SOX6: variants seen among roughly 807,000 people sequenced by gnomAD.
SOX6 encodes the protein SRY-box transcription factor 6, also known as transcription factor SOX-6.
SOX6 carries 11 observed loss-of-function variants against 97.8 expected under a neutral mutation model. The ratio of observed to expected loss-of-function variants is 0.11; its 90% CI spans 0.07 to 0.19. SOX6 has a LOEUF of 0.19. Among genes scored for constraint, SOX6 ranks in the 10% least tolerant of loss-of-function variants. The pLI is 1.00. For missense variants in SOX6, 810 were observed against 1,039.5 expected, an observed-to-expected ratio of 0.78 and a Z score of 3.04; for synonymous variants, 360 against 371.4, an observed-to-expected ratio of 0.97 and a Z score of 0.35.
chr11:16,131,632 G>A (rs1849741622), intron 6 of SOX6, among the ~76,000 whole-genome samples: 1 of 147,940 alleles, frequency 6.8e-6, no homozygotes, highest in African/African-American at 2.5e-5. Flanking sequence ...GCATAGACTT[G>A]CAATAGTACT....
chr11:16,115,476 C>T (rs1849325887), intron 6 of SOX6, among the ~76,000 whole-genome samples: 1 of 152,152 alleles, frequency 6.6e-6, no homozygotes, highest in Admixed American at 6.5e-5. Context: ...CGTCAAGAGT[C>T]TTTGAATCAG....
chr11:16,163,867 G>A (rs753003367), intron 6 of SOX6, among the ~76,000 whole-genome samples: 1 of 152,190 alleles, frequency 6.6e-6, no homozygotes, highest in Non-Finnish European at 1.5e-5. Flanking sequence ...GCATTGACAG[G>A]TATATTTGTA....
chr11:16,720,612 G>A (rs1564877018), intron 2 of SOX6, among the ~76,000 whole-genome samples: 1 of 142,884 alleles, frequency 7.0e-6, no homozygotes, highest in Admixed American at 7.1e-5. Context: ...GTTAATGGGT[G>A]CAGCACACCA....
At chr11:16,466,369 T>C (rs558365100) in intron 1 of SOX6, among the ~76,000 whole-genome samples, 42 of 152,314 alleles carry the variant, frequency 2.8e-4, no homozygotes, top group African/African-American at 8.9e-4. Flanking sequence ...AATATTTCTA[T>C]CTAAAAACCT....
intron 3 of SOX6, among the ~76,000 whole-genome samples, chr11:16,683,038 G>A (rs1371550771): frequency 6.6e-6 from 1 of 152,160 alleles, no homozygotes; most frequent in Non-Finnish European, 1.5e-5. Context: ...GGATGTGAAG[G>A]ACCTCTTCAA....
At chr11:16,103,595 G>A (rs2133983812) in intron 7 of SOX6, among the ~76,000 whole-genome samples, 1 of 151,962 alleles carries the variant, frequency 6.6e-6, no homozygotes, top group East Asian at 1.9e-4. Context: ...ACAATTTGCA[G>A]TTGCAAAAAT....
chr11:16,294,992 G>C (rs1004499853), intron 3 of SOX6, among the ~76,000 whole-genome samples: 1 of 151,940 alleles, frequency 6.6e-6, no homozygotes, highest in Non-Finnish European at 1.5e-5. Flanking sequence ...CTAACTGTCA[G>C]ATTTAAAATC....
chr11:16,145,988 T>C (rs1331672726), intron 6 of SOX6, among the ~76,000 whole-genome samples: 2 of 152,254 alleles, frequency 1.3e-5, no homozygotes, highest in African/African-American at 2.4e-5. Flanking sequence ...CTTCACAGAA[T>C]TGGAAAAAAC....
intron 3 of SOX6, among the ~76,000 whole-genome samples, chr11:16,623,512 G>A (rs1456710320): frequency 6.6e-6 from 1 of 152,126 alleles, no homozygotes; most frequent in African/African-American, 2.4e-5. Context: ...TCAGTGGGTT[G>A]TCTGTTTACC....
At chr11:16,367,223 G>T (rs1857381904) in intron 1 of SOX6, among the ~76,000 whole-genome samples, 1 of 152,134 alleles carries the variant, frequency 6.6e-6, no homozygotes, top group Non-Finnish European at 1.5e-5. Context: ...GAAGTTCCTT[G>T]TTTTGAAGTA....
intron 3 of SOX6, among the ~76,000 whole-genome samples, chr11:16,654,130 T>C (rs1424927845): frequency 2.6e-5 from 4 of 152,190 alleles, no homozygotes; most frequent in Non-Finnish European, 5.9e-5. Flanking sequence ...GATTTTGAGT[T>C]TGTATGTCTC....
At chr11:16,112,941 G>T (rs559831374) in intron 6 of SOX6, among the ~76,000 whole-genome samples, 1 of 152,144 alleles carries the variant, frequency 6.6e-6, no homozygotes, top group African/African-American at 2.4e-5. Flanking sequence ...TTCAAACAGG[G>T]TATTTAGCCT....
At chr11:16,022,058 TC>T (rs1307401784) in intron 12 of SOX6, among the ~76,000 whole-genome samples, 1 of 152,170 alleles carries the variant, frequency 6.6e-6, no homozygotes, top group Non-Finnish European at 1.5e-5. Flanking sequence ...CTGAGCCTGT[TC>T]CCCCCTTTGT....
At chr11:16,200,853 C>T (rs1296465544) in intron 4 of SOX6, among the ~76,000 whole-genome samples, 1 of 152,074 alleles carries the variant, frequency 6.6e-6, no homozygotes, top group Non-Finnish European at 1.5e-5. Flanking sequence ...TGCCTGTAAT[C>T]CCAGCACTTT....
chr11:16,482,614 C>G (rs1298458099), intron 4 of SOX6, among the ~76,000 whole-genome samples: 1 of 152,034 alleles, frequency 6.6e-6, no homozygotes, highest in Non-Finnish European at 1.5e-5. Flanking sequence ...ATATGTCTGC[C>G]AAGTTTTTAA....
intron 4 of SOX6, among the ~76,000 whole-genome samples, chr11:16,226,483 A>G (rs1279621612): frequency 2.0e-5 from 3 of 152,250 alleles, no homozygotes; most frequent in Admixed American, 1.3e-4. Context: ...CCGACACAGC[A>G]CAGAGGAGCA....
intron 10 of SOX6, among the ~76,000 whole-genome samples, chr11:16,053,345 T>C (rs1162341412): frequency 3.3e-5 from 5 of 152,164 alleles, no homozygotes; most frequent in Non-Finnish European, 7.3e-5. Context: ...TCCTTCATCA[T>C]AGTTGACAAT....
chr11:16,515,968 A>T (rs896709883), intron 4 of SOX6, among the ~76,000 whole-genome samples: 1 of 151,582 alleles, frequency 6.6e-6, no homozygotes, highest in Non-Finnish European at 1.5e-5. Flanking sequence ...GTATAGTTTG[A>T]AGGCAGGTAG....
intron 1 of SOX6, among the ~76,000 whole-genome samples, chr11:16,436,315 C>T (rs997317274): frequency 1.3e-5 from 2 of 151,948 alleles, no homozygotes; most frequent in African/African-American, 2.4e-5. Flanking sequence ...TCTTTCATTG[C>T]TCTTCTCCCT....
Sources: gnomAD v4.1 joint callset for allele counts (sites outside exome capture counted in the v4.1 genomes callset) on GRCh38, gnomAD v4.1.1 for gene constraint, MANE v1.5 for transcripts, NCBI Gene and HGNC (gene_info 2026-07-23, HGNC 2026-07-21) for gene names.